The following GPC6 variants were observed in gnomAD, a reference collection of about 807,000 sequenced individuals.
GPC6 encodes the protein glypican 6, also known as glypican-6.
GPC6 carries 14 observed loss-of-function variants against 55.2 expected under a neutral mutation model. The observed-to-expected ratio is 0.25, with a 90% CI of 0.17 to 0.40. GPC6 has a LOEUF of 0.40. Ranked by LOEUF, GPC6 falls within the 10% of genes least tolerant of loss-of-function variation. The probability of loss-of-function intolerance (pLI) is 1.00; values close to 1 mark genes in which losing one functional copy is unlikely to be tolerated. For missense variants in GPC6, 641 were observed against 708.5 expected, an observed-to-expected ratio of 0.90 and a Z score of 1.08; for synonymous variants, 278 against 259.6, an observed-to-expected ratio of 1.07 and a Z score of -0.68.
intron 1 of GPC6, among the ~76,000 whole-genome samples, chr13:93,510,797 A>G (rs1460012754): frequency 6.7e-6 from 1 of 149,880 alleles, no homozygotes; most frequent in African/African-American, 2.4e-5. Flanking sequence ...CTACATCCTC[A>G]CCAACATGTT....
At chr13:94,194,124 A>G (rs575698963) in intron 4 of GPC6, among the ~76,000 whole-genome samples, 6 of 152,324 alleles carry the variant, frequency 3.9e-5, no homozygotes, top group Non-Finnish European at 5.9e-5. Flanking sequence ...ATACAGTTAT[A>G]TAGATTTAAA....
intron 1 of GPC6, among the ~76,000 whole-genome samples, chr13:93,485,876 T>C (rs1163540050): frequency 6.6e-6 from 1 of 152,212 alleles, no homozygotes; most frequent in Non-Finnish European, 1.5e-5. Flanking sequence ...GGAAGAGATC[T>C]GGAATGGAAT....
chr13:93,788,809 A>G (rs901955239), intron 2 of GPC6, among the ~76,000 whole-genome samples: 1 of 152,184 alleles, frequency 6.6e-6, no homozygotes, highest in Non-Finnish European at 1.5e-5. Context: ...AAACCATTGC[A>G]GAGAATCAAG....
At chr13:93,452,585 T>C (rs914682560) in intron 1 of GPC6, among the ~76,000 whole-genome samples, 7 of 152,258 alleles carry the variant, frequency 4.6e-5, no homozygotes, top group African/African-American at 1.7e-4. Context: ...GTGGAAGCTA[T>C]ACAACTTGTC....
chr13:93,274,084 G>A (rs996499565), intron 1 of GPC6, among the ~76,000 whole-genome samples: 3 of 152,086 alleles, frequency 2.0e-5, no homozygotes, highest in African/African-American at 7.2e-5. Flanking sequence ...GTGAGCCCCT[G>A]CACCTGGCTG....
At chr13:93,223,444 G>C (rs185904103), upstream of GPC6, among the ~76,000 whole-genome samples, 2 of 151,942 alleles carry the variant, frequency 1.3e-5, no homozygotes, top group East Asian at 3.9e-4. Context: ...TTTTGTTGTT[G>C]TTTGTTTTGT....
At chr13:94,204,051 T>C (rs1889833088) in intron 4 of GPC6, among the ~76,000 whole-genome samples, 1 of 152,134 alleles carries the variant, frequency 6.6e-6, no homozygotes. Flanking sequence ...CCAATAAATT[T>C]ACACTTCCCA....
intron 4 of GPC6, among the ~76,000 whole-genome samples, chr13:94,212,465 G>A (rs1890108882): frequency 6.6e-6 from 1 of 152,174 alleles, no homozygotes; most frequent in South Asian, 2.1e-4. Context: ...TTAATTATGT[G>A]AAGTAAATAA....
intron 2 of GPC6, among the ~76,000 whole-genome samples, chr13:93,556,373 A>AGTGCGT (rs1491374794): frequency 7.5e-6 from 1 of 134,180 alleles, no homozygotes; most frequent in African/African-American, 2.7e-5. Flanking sequence ...GTGGGTAAAT[A>AGTGCGT]GTGTGTGTGT....
At chr13:93,660,182 A>T (rs1455653388) in intron 2 of GPC6, among the ~76,000 whole-genome samples, 1 of 152,142 alleles carries the variant, frequency 6.6e-6, no homozygotes, top group Non-Finnish European at 1.5e-5. Context: ...TAACATTTTC[A>T]AAAGCACGCA....
intron 4 of GPC6, among the ~76,000 whole-genome samples, chr13:94,142,662 T>C (rs76928193): frequency 0.092 from 13,938 of 152,036 alleles, 1,162 homozygotes; most frequent in East Asian, 0.22. Flanking sequence ...AACCGGGTGT[T>C]GTCTTGCTTT....
chr13:93,224,445 C>T (rs879681008), upstream of GPC6, among the ~76,000 whole-genome samples: 1 of 152,160 alleles, frequency 6.6e-6, no homozygotes. Context: ...CTGCCTGCCT[C>T]GGCCTTCCAA....
chr13:93,918,136 A>G (rs1314829096), intron 3 of GPC6, among the ~76,000 whole-genome samples: 1 of 151,706 alleles, frequency 6.6e-6, no homozygotes, highest in African/African-American at 2.4e-5. Flanking sequence ...ATGTACTTGG[A>G]GATCGACAAG....
At chr13:93,234,334 G>A (rs1007637747) in intron 1 of GPC6, among the ~76,000 whole-genome samples, 1 of 152,070 alleles carries the variant, frequency 6.6e-6, no homozygotes, top group South Asian at 2.1e-4. Context: ...CTGCCACCTG[G>A]GGGTCATGTC....
At chr13:93,652,730 G>T (rs1251451056) in intron 2 of GPC6, among the ~76,000 whole-genome samples, 1 of 152,254 alleles carries the variant, frequency 6.6e-6, no homozygotes, top group East Asian at 1.9e-4. Flanking sequence ...CATATGACAT[G>T]CTGTGTTTCT....
chr13:93,288,181 CA>C (rs1878200519), intron 1 of GPC6, among the ~76,000 whole-genome samples: 2 of 151,968 alleles, frequency 1.3e-5, no homozygotes, highest in South Asian at 4.2e-4. Context: ...AGAAACTCTC[CA>C]AAATAAGACA....
At chr13:93,245,769 A>G (rs188460713) in intron 1 of GPC6, among the ~76,000 whole-genome samples, 27 of 152,324 alleles carry the variant, frequency 1.8e-4, no homozygotes, top group African/African-American at 6.3e-4. Flanking sequence ...TGTTACTGCT[A>G]CAAGTTGTAC....
chr13:94,081,474 GA>G (rs1466447757), intron 4 of GPC6, among the ~76,000 whole-genome samples: 1 of 152,104 alleles, frequency 6.6e-6, no homozygotes, highest in Non-Finnish European at 1.5e-5. Context: ...AGAATGTATT[GA>G]ACGACTACTA....
At chr13:93,238,943 G>A (rs928039223) in intron 1 of GPC6, among the ~76,000 whole-genome samples, 2 of 152,000 alleles carry the variant, frequency 1.3e-5, no homozygotes, top group Non-Finnish European at 1.5e-5. Flanking sequence ...ATGAAGCTTA[G>A]TTGATCCTGG....
Sources: allele counts gnomAD v4.1 joint callset (sites outside exome capture counted in the v4.1 genomes callset), GRCh38; gene constraint gnomAD v4.1.1; transcripts MANE v1.5; gene names NCBI Gene and HGNC (gene_info 2026-07-23, HGNC 2026-07-21).